The following TMEM117 variants were observed in gnomAD, a reference collection of about 807,000 sequenced individuals.
TMEM117 encodes the protein transmembrane protein 117.
TMEM117 carries 27 observed loss-of-function variants against 52.4 expected under a neutral mutation model. The ratio of observed to expected loss-of-function variants is 0.51; its 90% CI spans 0.38 to 0.71. TMEM117 has a LOEUF of 0.71. Ranked by LOEUF, TMEM117 falls within the 30% of genes least tolerant of loss-of-function variation. The pLI, the probability that TMEM117 is intolerant of heterozygous loss-of-function variation, is 0.00. For synonymous variants in TMEM117, 215 were observed against 206.3 expected (o/e 1.04, Z -0.36); for missense variants, 556 against 630.5 (o/e 0.88, Z 1.26).
chr12:44,283,102 A>G (rs1490258224), intron 5 of TMEM117, among the ~76,000 whole-genome samples: 4 of 152,254 alleles, frequency 2.6e-5, no homozygotes, highest in African/African-American at 4.8e-5. Flanking sequence ...ATTTCAGAAG[A>G]TGTATGGAAA....
chr12:44,190,890 T>C (rs1949343164), intron 4 of TMEM117, among the ~76,000 whole-genome samples: 2 of 148,176 alleles, frequency 1.3e-5, no homozygotes, highest in Non-Finnish European at 3.0e-5. Context: ...CATACATATA[T>C]ATATAAAGTA....
rs1948733619 is a variant in TMEM117 at position 44,151,940 on chromosome 12, T to C, written c.510+8316T>C. The stretch of plus-strand genomic sequence containing the variant: ...TATATTATAAACATTATATATTATA[T>C]TATATTACATAATATATTATATAAA... On this transcript the variant is annotated intron_variant, in intron 4 of 7. Coordinates refer to ENST00000266534, the MANE Select transcript of TMEM117 (RefSeq NM_032256.3). Among the ~76,000 whole-genome samples, 3 of 128,396 alleles carry C rather than the reference T, an allele frequency of 2.3e-5. No individual in the cohort carries two copies. The South Asian group carries it at 6.7e-4, about 29-fold the overall frequency. 84.2% of individuals were successfully genotyped at this position (128,396 alleles called of 152,430 possible).
chr12:43,933,753 G>A (rs1944908820), intron 2 of TMEM117, among the ~76,000 whole-genome samples: 1 of 151,848 alleles, frequency 6.6e-6, no homozygotes, highest in Admixed American at 6.6e-5. Flanking sequence ...AGTAGAGACG[G>A]GGTTTCACTG....
At chr12:43,864,061 G>A (rs1053328332) in intron 2 of TMEM117, among the ~76,000 whole-genome samples, 7 of 152,212 alleles carry the variant, frequency 4.6e-5, no homozygotes, top group Admixed American at 2.0e-4. Context: ...AGGGTGCGCT[G>A]GGTCCCCCAG....
intron 3 of TMEM117, among the ~76,000 whole-genome samples, chr12:44,133,579 C>T (rs1020991481): frequency 8.6e-5 from 13 of 151,676 alleles, no homozygotes; most frequent in African/African-American, 3.1e-4. Flanking sequence ...AAAAGCAGAG[C>T]GTGAAATTCT....
intron 3 of TMEM117, among the ~76,000 whole-genome samples, chr12:43,963,370 G>C (rs933852173): frequency 1.3e-5 from 2 of 152,118 alleles, no homozygotes; most frequent in Non-Finnish European, 2.9e-5. Flanking sequence ...AAAAAGTTAT[G>C]AGTAACAAAG....
chr12:44,318,724 G>A (rs76320731), intron 6 of TMEM117, among the ~76,000 whole-genome samples: 55 of 152,192 alleles, frequency 3.6e-4, no homozygotes, highest in African/African-American at 1.1e-3. Context: ...GGGCAGCTCA[G>A]CCTACTGATC....
the TMEM117 span, among the ~76,000 whole-genome samples, chr12:43,801,236 C>A: frequency 6.6e-6 from 1 of 151,930 alleles, no homozygotes; most frequent in Non-Finnish European, 1.5e-5. Context: ...CACGGCTTAC[C>A]GATGGCACAT....
chr12:44,214,151 T>TA (rs1949685175), intron 5 of TMEM117, among the ~76,000 whole-genome samples: 1 of 122,656 alleles, frequency 8.2e-6, no homozygotes, highest in African/African-American at 4.8e-5. Context: ...TTTTTTTTTT[T>TA]TTTTTTTTTT....
chr12:43,852,094 C>G (rs887925490), intron 2 of TMEM117, among the ~76,000 whole-genome samples: 2 of 149,144 alleles, frequency 1.3e-5, no homozygotes, highest in African/African-American at 4.9e-5. Flanking sequence ...GTCAAGAGAT[C>G]AAGACCATCC....
At chr12:43,914,107 A>G (rs1944560367) in intron 2 of TMEM117, among the ~76,000 whole-genome samples, 1 of 152,128 alleles carries the variant, frequency 6.6e-6, no homozygotes, top group African/African-American at 2.4e-5. Context: ...AAATTCAATC[A>G]ATTAAATGGA....
In TMEM117 at chr12:44,284,984, T is replaced by TA. The variant is rs1423253332; in HGVS notation, c.609-14595dup. ...GAGGAATTCAAGCCACTACAATAAATACAATTATTTCAATCATCACTTTTT... is the reference window on the plus strand; with the variant it reads ...GAGGAATTCAAGCCACTACAATAAATAACAATTATTTCAATCATCACTTTTT... On this transcript the variant is annotated intron_variant, in intron 5 of 7. Transcript: ENST00000266534. Among the ~76,000 whole-genome samples the TA allele has an allele frequency of 2.0e-5, 3 of 152,324 alleles. No individual in the cohort carries two copies. In the East Asian group the frequency reaches 5.8e-4, roughly 29 times the overall value.
intron 3 of TMEM117, among the ~76,000 whole-genome samples, chr12:44,025,257 C>G (rs186308610): frequency 6.6e-6 from 1 of 152,158 alleles, no homozygotes; most frequent in Non-Finnish European, 1.5e-5. Flanking sequence ...TGAACAGATA[C>G]GGTTCAGGGG....
At chr12:44,093,495 G>C (rs182626834) in intron 3 of TMEM117, among the ~76,000 whole-genome samples, 1 of 152,168 alleles carries the variant, frequency 6.6e-6, no homozygotes, top group Non-Finnish European at 1.5e-5. Flanking sequence ...GAGGACATTG[G>C]CACAAACCTC....
intron 2 of TMEM117, among the ~76,000 whole-genome samples, chr12:43,855,255 C>T (rs1017176213): frequency 2.0e-5 from 3 of 151,676 alleles, no homozygotes; most frequent in African/African-American, 7.3e-5. Flanking sequence ...CTATGATAAG[C>T]ATTTCTTTTT....
the TMEM117 span, among the ~76,000 whole-genome samples, chr12:44,397,737 A>G: frequency 6.6e-6 from 1 of 152,210 alleles, no homozygotes; most frequent in Non-Finnish European, 1.5e-5. Context: ...TTTGATGAGA[A>G]CCAGCAGCAG....
chr12:43,797,226 AAAT>A, the TMEM117 span: 1 of 1,496,278 alleles, frequency 6.7e-7, no homozygotes, highest in African/African-American at 1.4e-5. Flanking sequence ...TCTGGGCAAG[AAAT>A]AAGTAAGAAT....
intron 5 of TMEM117, among the ~76,000 whole-genome samples, chr12:44,296,116 C>T (rs1167744176): frequency 2.6e-5 from 4 of 152,128 alleles, no homozygotes; most frequent in Non-Finnish European, 4.4e-5. Context: ...CCTGTCTGGT[C>T]TCAAGACAGA....
At chr12:43,898,166 C>T (rs888658335) in intron 2 of TMEM117, among the ~76,000 whole-genome samples, 1 of 151,916 alleles carries the variant, frequency 6.6e-6, no homozygotes, top group Non-Finnish European at 1.5e-5. Context: ...CTCATCTTTC[C>T]CTCCAGATGA....
Sources: gnomAD v4.1 joint callset for allele counts (sites outside exome capture counted in the v4.1 genomes callset) on GRCh38, gnomAD v4.1.1 for gene constraint, MANE v1.5 for transcripts, NCBI Gene and HGNC (gene_info 2026-07-23, HGNC 2026-07-21) for gene names.